Variants in NME7 observed in about 807,000 individuals in gnomAD.
The protein encoded by NME7 is nucleoside diphosphate kinase 7.
Under a neutral mutation model 49.1 loss-of-function variants are expected in NME7, and 41 were observed. The observed-to-expected ratio is 0.83, with a 90% CI of 0.65 to 1.08. The LOEUF is 1.08. NME7 is among the 50% of genes least tolerant of loss of function. The probability of loss-of-function intolerance (pLI) is 0.00; values close to 1 mark genes in which losing one functional copy is unlikely to be tolerated. For synonymous variants in NME7, 139 were observed against 150.6 expected, an observed-to-expected ratio of 0.92 and a Z score of 0.56; for missense variants, 423 against 463.4, an observed-to-expected ratio of 0.91 and a Z score of 0.80.
intron 10 of NME7, among the ~76,000 whole-genome samples, chr1:169,193,380 A>T (rs1660289451): frequency 6.6e-6 from 1 of 152,132 alleles, no homozygotes; most frequent in Non-Finnish European, 1.5e-5. Flanking sequence ...TCCTGAGAAC[A>T]CCATGGCTCA....
intron 10 of NME7, among the ~76,000 whole-genome samples, chr1:169,223,247 G>A (rs1471825135): frequency 1.3e-5 from 2 of 151,894 alleles, no homozygotes; most frequent in Non-Finnish European, 2.9e-5. Context: ...TGTGGTATAT[G>A]ATTTAATTTT....
At chr1:169,194,705 T>C (rs1398668031) in intron 10 of NME7, among the ~76,000 whole-genome samples, 1 of 152,206 alleles carries the variant, frequency 6.6e-6, no homozygotes, top group Non-Finnish European at 1.5e-5. Context: ...AAATTTGTTG[T>C]AATTTTGTCT....
chr1:169,185,601 T>G (rs1557978498), intron 10 of NME7, among the ~76,000 whole-genome samples: 1 of 152,130 alleles, frequency 6.6e-6, no homozygotes, highest in Non-Finnish European at 1.5e-5. Context: ...AAATTGTCAC[T>G]TCCATGAAGC....
intron 1 of NME7, among the ~76,000 whole-genome samples, chr1:169,347,980 A>G (rs1222111187): frequency 6.6e-6 from 1 of 152,194 alleles, no homozygotes; most frequent in East Asian, 1.9e-4. Flanking sequence ...ATGCATTGCA[A>G]ATTACTACTA....
intron 10 of NME7, among the ~76,000 whole-genome samples, chr1:169,200,064 G>A (rs1238103272): frequency 2.0e-5 from 3 of 151,798 alleles, no homozygotes; most frequent in Admixed American, 2.0e-4. Context: ...CACCCTGCTA[G>A]GTTACAAACT....
intron 9 of NME7, among the ~76,000 whole-genome samples, chr1:169,231,885 T>C (rs900854004): frequency 1.3e-5 from 2 of 151,596 alleles, no homozygotes; most frequent in Non-Finnish European, 3.0e-5. Context: ...AGACCAAAAT[T>C]GAGCACTCTT....
intron 10 of NME7, among the ~76,000 whole-genome samples, chr1:169,202,725 G>A (rs1212356270): frequency 6.6e-6 from 1 of 152,186 alleles, no homozygotes; most frequent in Non-Finnish European, 1.5e-5. Context: ...GTAGTCTGAA[G>A]GGTGGCCATA....
intron 3 of NME7, 27 bp downstream of exon 3, chr1:169,323,089 TA>T (rs1651915121): frequency 1.3e-6 from 2 of 1,490,846 alleles, no homozygotes; most frequent in African/African-American, 2.9e-5. Context: ...TTAGAGCATG[TA>T]AAAAGATTAT....
chr1:169,180,024 A>T (rs1659880181), intron 10 of NME7, among the ~76,000 whole-genome samples: 1 of 151,908 alleles, frequency 6.6e-6, no homozygotes, highest in African/African-American at 2.4e-5. Flanking sequence ...GGTCTAACAA[A>T]CTGATCTTAG....
intron 9 of NME7, among the ~76,000 whole-genome samples, chr1:169,232,563 G>C (rs941088264): frequency 3.3e-5 from 5 of 151,772 alleles, no homozygotes; most frequent in South Asian, 2.1e-4. Context: ...TGTTGGGGGG[G>C]GGGCAGGGGA....
At chr1:169,230,638 G>T (rs756185794) in intron 10 of NME7, 80 bp downstream of exon 10, 1 of 795,226 alleles carries the variant, frequency 1.3e-6, no homozygotes, top group South Asian at 3.4e-5. Context: ...TTACTTAAAG[G>T]AACAAACGAA....
At chr1:169,270,500 C>A (rs2101873321) in intron 7 of NME7, among the ~76,000 whole-genome samples, 1 of 134,170 alleles carries the variant, frequency 7.5e-6, no homozygotes, top group South Asian at 2.3e-4. Flanking sequence ...TTAACAATGA[C>A]TACATTTTTC....
chr1:169,312,717 T>A (rs1399250868), intron 3 of NME7, among the ~76,000 whole-genome samples: 2 of 152,310 alleles, frequency 1.3e-5, no homozygotes, highest in African/African-American at 4.8e-5. Context: ...AGATGACTGA[T>A]TGCAGTACAA....
chr1:169,191,006 G>T (rs1312346648), intron 10 of NME7, among the ~76,000 whole-genome samples: 1 of 89,604 alleles, frequency 1.1e-5, no homozygotes, highest in Non-Finnish European at 2.5e-5. Flanking sequence ...TAGAGACAGG[G>T]TTTCACCGTT....
At chr1:169,317,224 CA>C (rs1226631534) in intron 3 of NME7, among the ~76,000 whole-genome samples, 3 of 152,112 alleles carry the variant, frequency 2.0e-5, no homozygotes, top group Non-Finnish European at 2.9e-5. Flanking sequence ...AATACGCTAT[CA>C]ATCAAACCCT....
Position 169,235,580 on chromosome 1 carries a change from T to C in NME7, c.820-381A>G, listed in dbSNP as rs1371751942. ...ATACTTTTACCTACTACACTACACCTCTCTCTGAATAAAACCTCATTCTTG... is the reference window on the plus strand; with the variant it reads ...ATACTTTTACCTACTACACTACACCCCTCTCTGAATAAAACCTCATTCTTG... On this transcript the variant is annotated intron_variant, in intron 8 of 11. Transcript: ENST00000367811. Among the ~76,000 whole-genome samples the C allele has an allele frequency of 2.0e-5, 3 of 152,058 alleles. No homozygotes were observed. In the East Asian group the frequency reaches 5.8e-4, roughly 29 times the overall value.
intron 1 of NME7, among the ~76,000 whole-genome samples, chr1:169,364,227 T>C (rs933206677): frequency 3.3e-5 from 5 of 152,194 alleles, no homozygotes; most frequent in African/African-American, 9.7e-5. Flanking sequence ...CAGTTCACAT[T>C]TTAGTAAGAG....
chr1:169,314,465 A>C (rs959083940), intron 3 of NME7, among the ~76,000 whole-genome samples: 1 of 152,082 alleles, frequency 6.6e-6, no homozygotes, highest in Non-Finnish European at 1.5e-5. Context: ...AGATGAAAAA[A>C]ATCCTCAAGC....
intron 11 of NME7, among the ~76,000 whole-genome samples, chr1:169,156,600 A>G (rs1659083618): frequency 6.6e-6 from 1 of 152,214 alleles, no homozygotes; most frequent in Non-Finnish European, 1.5e-5. Flanking sequence ...GGGATAAATT[A>G]TATTAAATAC....
Sources: gnomAD v4.1 joint callset for allele counts (sites outside exome capture counted in the v4.1 genomes callset) on GRCh38, gnomAD v4.1.1 for gene constraint, MANE v1.5 for transcripts, NCBI Gene and HGNC (gene_info 2026-07-23, HGNC 2026-07-21) for gene names.